The following CCDC30 variants were observed in gnomAD, a reference collection of about 807,000 sequenced individuals.
The protein encoded by CCDC30 is coiled-coil domain-containing protein 30.
Under a neutral mutation model 100.2 loss-of-function variants are expected in CCDC30, and 70 were observed. The ratio of observed to expected loss-of-function variants is 0.70; its 90% CI spans 0.58 to 0.85. The LOEUF is 0.85. CCDC30 is among the 40% of genes least tolerant of loss of function. The pLI is 0.00. For missense variants in CCDC30, 652 were observed against 771.2 expected (o/e 0.85, Z 1.83); for synonymous variants, 233 against 269.5 (o/e 0.86, Z 1.33).
exon 10 of CCDC30, chr1:42,589,329 T>C (rs1397807153): frequency 6.2e-7 from 1 of 1,600,342 alleles, no homozygotes; most frequent in Admixed American, 1.8e-5. Context: ...AGGAAACTTC[T>C]ATATCAGAAC....
intron 6 of CCDC30, chr1:42,537,144 CAA>C (rs748453266): frequency 6.6e-6 from 3 of 454,358 alleles, no homozygotes; most frequent in South Asian, 4.7e-5. Context: ...TAGCACTAAG[CAA>C]AGAGTCCTTT....
intron 10 of CCDC30, among the ~76,000 whole-genome samples, chr1:42,601,160 CAAA>C (rs974305113): frequency 6.6e-6 from 1 of 151,994 alleles, no homozygotes; most frequent in African/African-American, 2.4e-5. Flanking sequence ...ACACAAAAGT[CAAA>C]GAAGAAATCG....
At chr1:42,481,355 C>G (rs984347323) in intron 2 of CCDC30, among the ~76,000 whole-genome samples, 3 of 151,914 alleles carry the variant, frequency 2.0e-5, no homozygotes, top group Admixed American at 6.6e-5. Context: ...GCAGACAGAT[C>G]GCCTGAGGTC....
At chr1:42,579,269 C>T (rs1464498939) in intron 8 of CCDC30, among the ~76,000 whole-genome samples, 12 of 150,808 alleles carry the variant, frequency 8.0e-5, no homozygotes, top group African/African-American at 2.7e-4. Context: ...GGATTACAGG[C>T]GTGAGCCGCC....
intron 6 of CCDC30, chr1:42,537,070 A>G (rs1416126568): frequency 2.5e-6 from 1 of 405,862 alleles, no homozygotes; most frequent in East Asian, 7.0e-5. Flanking sequence ...AGTCCATAGC[A>G]CTGTAGAATA....
intron 11 of CCDC30, among the ~76,000 whole-genome samples, chr1:42,629,916 G>A (rs570623723): frequency 6.6e-4 from 97 of 147,684 alleles, no homozygotes; most frequent in African/African-American, 2.3e-3. Flanking sequence ...ATGGGCCCCT[G>A]TGTCTTTTCC....
At chr1:42,464,688 T>C (rs1643512272) in intron 1 of CCDC30, among the ~76,000 whole-genome samples, 1 of 152,274 alleles carries the variant, frequency 6.6e-6, no homozygotes, top group Non-Finnish European at 1.5e-5. Context: ...CTTGGAAAGC[T>C]TGACTTAATT....
chr1:42,560,464 G>T (rs1306286820), intron 6 of CCDC30, among the ~76,000 whole-genome samples: 1 of 152,014 alleles, frequency 6.6e-6, no homozygotes, highest in Non-Finnish European at 1.5e-5. Context: ...CTGCCTCCTG[G>T]GTTCAAGTGA....
chr1:42,548,419 T>A (rs771470705), intron 6 of CCDC30, among the ~76,000 whole-genome samples: 1 of 152,054 alleles, frequency 6.6e-6, no homozygotes, highest in Non-Finnish European at 1.5e-5. Flanking sequence ...GGTAAGAGAG[T>A]TGACCATTTT....
At chr1:42,519,212 A>G (rs757925555) in intron 6 of CCDC30, among the ~76,000 whole-genome samples, 1 of 152,136 alleles carries the variant, frequency 6.6e-6, no homozygotes, top group Non-Finnish European at 1.5e-5. Flanking sequence ...TTTTTCATCA[A>G]CGTTCTTAAG....
chr1:42,514,216 G>A (rs934421175), intron 6 of CCDC30, among the ~76,000 whole-genome samples: 1 of 152,128 alleles, frequency 6.6e-6, no homozygotes, highest in Non-Finnish European at 1.5e-5. Context: ...TCATTTATAA[G>A]TTTTTGTATG....
chr1:42,604,293 T>C (rs1010718824), intron 10 of CCDC30, among the ~76,000 whole-genome samples: 1 of 152,168 alleles, frequency 6.6e-6, no homozygotes, highest in African/African-American at 2.4e-5. Context: ...TTCTGTCTTT[T>C]AAAAAATTAA....
upstream of CCDC30, chr1:42,459,769 T>C (rs541572840): frequency 6.2e-7 from 1 of 1,614,188 alleles, no homozygotes; most frequent in Non-Finnish European, 8.5e-7. Flanking sequence ...GCTAATATCC[T>C]TGAGTCACGA....
intron 8 of CCDC30, among the ~76,000 whole-genome samples, chr1:42,580,106 G>T (rs1459756863): frequency 6.6e-6 from 1 of 152,174 alleles, no homozygotes; most frequent in Non-Finnish European, 1.5e-5. Flanking sequence ...TGTGTGGCAG[G>T]TTCAAAAGTT....
At chr1:42,593,293 C>A (rs1646223649) in intron 10 of CCDC30, 1 of 152,154 alleles carries the variant, frequency 6.6e-6, no homozygotes, top group South Asian at 2.1e-4. Context: ...AAACAGTTTG[C>A]TTACTGGATT....
chr1:42,627,731 G>C (rs1005841161), intron 11 of CCDC30, among the ~76,000 whole-genome samples: 1 of 152,246 alleles, frequency 6.6e-6, no homozygotes, highest in African/African-American at 2.4e-5. Context: ...AGCTTTGACA[G>C]CTTCCATGTG....
chr1:42,620,412 A>G (rs1013653463), intron 11 of CCDC30, among the ~76,000 whole-genome samples: 1 of 152,178 alleles, frequency 6.6e-6, no homozygotes, highest in African/African-American at 2.4e-5. Context: ...AAGCTTTTAT[A>G]AAACTAGAAA....
rs185252987 is a variant in CCDC30 at position 42,482,078 on chromosome 1, C to T, written c.16-585C>T. Among the ~76,000 whole-genome samples the T allele has an allele frequency of 5.3e-3, 804 of 152,018 alleles. 9 individuals are homozygous for T. Among genetic ancestry groups the T allele is most frequent in the African/African-American group, 0.018 (767 of 41,470 alleles). ...CTAAAGATACAAAAAATGAGCCAGT[C>T]GTGGTGGTGCGTGCCTAAAATCCCA... On this transcript the variant is annotated intron_variant, in intron 2 of 16. Transcript: ENST00000668663.
rs1301250478 is a variant in CCDC30, at chr1:42,536,917, A to G, written c.457-29379A>G. On this transcript the variant is annotated intron_variant, in intron 6 of 16. Transcript: ENST00000668663. ...TGTCTCTTCCTCTTCCTATAAAGGC[A>G]CTAACCCTATTGGATTAAGGCCCCA... is the stretch of plus-strand genomic sequence containing the variant. 1.1e-5 allele frequency: 4 copies of G among 365,556 alleles called. No homozygotes were observed. In the East Asian group the frequency reaches 2.6e-4, roughly 24 times the overall value. 22.6% of individuals were successfully genotyped at this position (365,556 alleles called of 1,614,324 possible).
Sources: allele counts gnomAD v4.1 joint callset (sites outside exome capture counted in the v4.1 genomes callset), GRCh38; gene constraint gnomAD v4.1.1; transcripts MANE v1.5; gene names NCBI Gene and HGNC (gene_info 2026-07-23, HGNC 2026-07-21).